MYO16: variants seen among roughly 807,000 people sequenced by gnomAD.
MYO16 encodes the protein unconventional myosin-XVI.
A neutral mutation model predicts 205.3 loss-of-function variants in MYO16; 94 were observed. The observed-to-expected ratio is 0.46, with a 90% CI of 0.39 to 0.54. MYO16 has a LOEUF of 0.54. Among genes scored for constraint, MYO16 ranks in the 20% least tolerant of loss-of-function variants. The pLI, the probability that MYO16 is intolerant of heterozygous loss-of-function variation, is 0.00. For synonymous variants in MYO16, 988 were observed against 954.0 expected, an observed-to-expected ratio of 1.04 and a Z score of -0.66; for missense variants, 2,315 against 2,387.5, an observed-to-expected ratio of 0.97 and a Z score of 0.63.
chr13:109,100,849 C>G lies in MYO16; in HGVS notation c.3400C>G (p.Arg1134Gly). Residue 1134 changes from arginine to glycine, a missense_variant, in exon 28 of 35, where the codon CGA becomes GGA. Transcript: ENST00000457511. ...GGAACAGTCAGCTGCCGAGCGATGT[C>G]GACTTGTTCTCCAGCAGTGTAAATT... ...KKEQSAAERC[R>G]LVLQQCKLQG... The G allele has an allele frequency of 6.2e-7, 1 of 1,613,464 alleles. No individual in the cohort carries two copies. The highest frequency in any genetic ancestry group is 8.5e-7 in the Non-Finnish European group (1 of 1,179,496).
At chr13:108,991,209 C>G (rs75724516) in intron 20 of MYO16, among the ~76,000 whole-genome samples, 6,769 of 152,204 alleles carry the variant, frequency 0.044, 210 homozygotes, top group Non-Finnish European at 0.067. Context: ...CCTTCCCTGC[C>G]TTCCATGTAA....
chr13:108,920,854 G>C (rs1321300396), intron 16 of MYO16, among the ~76,000 whole-genome samples: 1 of 152,216 alleles, frequency 6.6e-6, no homozygotes. Flanking sequence ...ATGTGAAAGA[G>C]GCTCAGATTT....
chr13:108,642,330 G>A (rs1004418081), intron 1 of MYO16, among the ~76,000 whole-genome samples: 5 of 152,148 alleles, frequency 3.3e-5, no homozygotes, highest in African/African-American at 9.7e-5. Context: ...GTAACAACAT[G>A]TGAAAGCTCT....
intron 2 of MYO16, among the ~76,000 whole-genome samples, chr13:108,667,327 T>G (rs369728231): frequency 3.3e-5 from 5 of 151,246 alleles, no homozygotes; most frequent in African/African-American, 4.9e-5. Context: ...TTTGTTTTTT[T>G]TTTTTTTTTG....
chr13:108,953,725 C>T (rs1161451050), intron 16 of MYO16, among the ~76,000 whole-genome samples: 2 of 151,674 alleles, frequency 1.3e-5, no homozygotes, highest in African/African-American at 4.8e-5. Context: ...TTTTAATCTC[C>T]AAAAAATAAA....
At chr13:108,611,727 T>C (rs1209764740) in intron 1 of MYO16, among the ~76,000 whole-genome samples, 2 of 151,966 alleles carry the variant, frequency 1.3e-5, no homozygotes, top group African/African-American at 2.4e-5. Flanking sequence ...TGACCCAGGG[T>C]AGGTAAGCAA....
chr13:108,825,419 A>G (rs529378270), intron 9 of MYO16, among the ~76,000 whole-genome samples: 111 of 151,668 alleles, frequency 7.3e-4, no homozygotes, highest in African/African-American at 2.6e-3. Flanking sequence ...GTACCAAAAA[A>G]TAAAAAAAAG....
chr13:108,516,296 C>A, the MYO16 span, among the ~76,000 whole-genome samples: 7 of 151,786 alleles, frequency 4.6e-5, no homozygotes, highest in South Asian at 2.1e-4. Flanking sequence ...TGACCCCTTG[C>A]GCTTCCCAGG....
chr13:109,151,974 G>A (rs1285158333), intron 32 of MYO16, among the ~76,000 whole-genome samples: 1 of 152,164 alleles, frequency 6.6e-6, no homozygotes, highest in East Asian at 1.9e-4. Context: ...CAGGATGGAG[G>A]GGACATACAG....
intron 16 of MYO16, among the ~76,000 whole-genome samples, chr13:108,915,751 G>A (rs529499739): frequency 1.3e-5 from 2 of 152,318 alleles, no homozygotes; most frequent in East Asian, 3.9e-4. Context: ...TGGTGGAAAT[G>A]ATTGTGGTGC....
At position 108,820,059 on chromosome 13, in the gene MYO16, A is replaced by G. The variant is rs1266138226; in HGVS notation, c.868-278A>G. Among the ~76,000 whole-genome samples, 4 of 152,258 alleles carry G rather than the reference A, an allele frequency of 2.6e-5. No homozygotes were observed. In the East Asian group the frequency reaches 5.8e-4, roughly 22 times the overall value. Reference sequence around the variant, plus strand: ...TTCTCATCCTAAAAATACGTATAATATAAACCTGAAAGTTATAAAGTGTCC... The same window carrying G: ...TTCTCATCCTAAAAATACGTATAATGTAAACCTGAAAGTTATAAAGTGTCC... On this transcript the variant is annotated intron_variant, in intron 7 of 34. Coordinates refer to ENST00000457511, the MANE Select transcript of MYO16 (RefSeq NM_001198950.3).
chr13:108,675,900 C>A (rs1476704172), intron 2 of MYO16, among the ~76,000 whole-genome samples: 1 of 152,178 alleles, frequency 6.6e-6, no homozygotes, highest in African/African-American at 2.4e-5. Context: ...GGCCAGGGCA[C>A]TTTCTGCACC....
the MYO16 span, among the ~76,000 whole-genome samples, chr13:108,529,275 T>C: frequency 6.6e-6 from 1 of 152,212 alleles, no homozygotes; most frequent in Admixed American, 6.5e-5. Flanking sequence ...TCAGAGCAGG[T>C]AGAGTTACGT....
intron 34 of MYO16, among the ~76,000 whole-genome samples, chr13:109,193,989 C>T (rs1197335026): frequency 6.6e-6 from 1 of 152,166 alleles, no homozygotes; most frequent in South Asian, 2.1e-4. Context: ...AGTGGCCATA[C>T]TGCCTTTAAA....
At chr13:108,862,126 A>G (rs1030382514) in intron 11 of MYO16, among the ~76,000 whole-genome samples, 6 of 152,310 alleles carry the variant, frequency 3.9e-5, no homozygotes, top group African/African-American at 1.2e-4. Flanking sequence ...AGAATGTTGA[A>G]ATCTCAAAAG....
chr13:109,097,212 C>CCATCTACT, intron 27 of MYO16, among the ~76,000 whole-genome samples: 1 of 152,138 alleles, frequency 6.6e-6, no homozygotes, highest in Non-Finnish European at 1.5e-5. Flanking sequence ...ACCATTAATC[C>CCATCTACT]CATCTACTCA....
Position 108,921,329 on chromosome 13 carries a change from G to T in MYO16, c.1925+11179G>T, listed in dbSNP as rs180678584. 5.6e-3 allele frequency among the ~76,000 whole-genome samples: 853 copies of T among 152,250 alleles called. 3 individuals carry two copies. Among genetic ancestry groups the T allele is most frequent in the African/African-American group, 0.02 (821 of 41,538 alleles). ...CTCCTAGGAACCTGGGTGGATCATG[G>T]TCCATGTCCCAGTCCAAATCTACTC... On this transcript the variant is annotated intron_variant, in intron 16 of 34. Coordinates refer to ENST00000457511, the MANE Select transcript of MYO16 (RefSeq NM_001198950.3).
intron 34 of MYO16, among the ~76,000 whole-genome samples, chr13:109,199,237 T>C (rs1168091408): frequency 5.8e-4 from 55 of 94,410 alleles, no homozygotes; most frequent in African/African-American, 2.0e-3. Context: ...TATATATATA[T>C]ATACCGTCAT....
At chr13:108,964,943 A>C (rs561416312) in intron 20 of MYO16, 41 bp downstream of exon 20, 1 of 1,593,606 alleles carries the variant, frequency 6.3e-7, no homozygotes, top group South Asian at 1.1e-5. Flanking sequence ...TCATTACTGT[A>C]ATAAATAACT....
Sources: allele counts gnomAD v4.1 joint callset (sites outside exome capture counted in the v4.1 genomes callset), GRCh38; gene constraint gnomAD v4.1.1; transcripts MANE v1.5; gene names NCBI Gene and HGNC (gene_info 2026-07-23, HGNC 2026-07-21).